Variants in CNTLN observed in about 807,000 individuals in gnomAD.
The protein encoded by CNTLN is centlein.
In CNTLN, 212 loss-of-function variants were observed where a neutral mutation model predicts 180.0. The ratio of observed to expected loss-of-function variants is 1.18; its 90% CI spans 1.05 to 1.32. The LOEUF is 1.32. CNTLN is among the 40% of genes most tolerant of loss of function. The pLI, the probability that CNTLN is intolerant of heterozygous loss-of-function variation, is 0.00. For synonymous variants in CNTLN, 722 were observed against 563.1 expected (o/e 1.28, Z -3.99); for missense variants, 2,095 against 1,610.9 (o/e 1.30, Z -5.14).
intron 25 of CNTLN, among the ~76,000 whole-genome samples, chr9:17,498,523 A>G (rs762141409): frequency 1.9e-4 from 29 of 152,312 alleles, no homozygotes; most frequent in Admixed American, 1.8e-3. Context: ...CAGAATGACT[A>G]GGAAGATCTG....
chr9:17,179,800 T>A (rs1366201314), intron 2 of CNTLN, among the ~76,000 whole-genome samples: 1 of 152,094 alleles, frequency 6.6e-6, no homozygotes, highest in Non-Finnish European at 1.5e-5. Flanking sequence ...TATCTATTAC[T>A]CTTTTCAGTT....
chr9:17,483,876 T>C (rs1462013425), intron 23 of CNTLN, among the ~76,000 whole-genome samples: 1 of 152,228 alleles, frequency 6.6e-6, no homozygotes, highest in Admixed American at 6.5e-5. Context: ...TAATCTTTCA[T>C]TGGTTTATGT....
At chr9:17,494,259 C>T (rs552261462) in intron 25 of CNTLN, among the ~76,000 whole-genome samples, 19 of 152,266 alleles carry the variant, frequency 1.2e-4, no homozygotes, top group African/African-American at 4.3e-4. Context: ...AACCCATTGC[C>T]TACTATAGAG....
chr9:17,192,077 A>G (rs775531633), intron 2 of CNTLN, among the ~76,000 whole-genome samples: 11 of 152,192 alleles, frequency 7.2e-5, no homozygotes, highest in African/African-American at 1.9e-4. Flanking sequence ...ATATACTATC[A>G]TAAGTATACA....
chr9:17,511,678 G>T, the CNTLN span, among the ~76,000 whole-genome samples: 1 of 144,434 alleles, frequency 6.9e-6, no homozygotes, highest in Non-Finnish European at 1.5e-5. Context: ...ACACGCACAC[G>T]TGCACACCCA....
chr9:17,400,956 G>T (rs1826926031), intron 15 of CNTLN, among the ~76,000 whole-genome samples: 2 of 152,082 alleles, frequency 1.3e-5, no homozygotes, highest in South Asian at 4.1e-4. Flanking sequence ...CTTTATGATT[G>T]CAAAGATTTT....
intron 16 of CNTLN, among the ~76,000 whole-genome samples, chr9:17,409,962 T>C (rs781007592): frequency 3.9e-5 from 6 of 152,130 alleles, no homozygotes; most frequent in Non-Finnish European, 8.8e-5. Flanking sequence ...TTAACATAAA[T>C]CAGTGAAAAA....
intron 10 of CNTLN, among the ~76,000 whole-genome samples, chr9:17,339,889 T>A (rs1484902826): frequency 6.6e-6 from 1 of 152,124 alleles, no homozygotes; most frequent in Non-Finnish European, 1.5e-5. Context: ...CACGGTGGCT[T>A]ATGCCTGTAA....
At chr9:17,517,812 T>C in the CNTLN span, among the ~76,000 whole-genome samples, 48 of 152,210 alleles carry the variant, frequency 3.2e-4, no homozygotes, top group African/African-American at 6.7e-4. Flanking sequence ...TCATTGGTTA[T>C]GGCAGCCCTG....
chr9:17,325,685 A>G (rs1210388513), intron 8 of CNTLN, among the ~76,000 whole-genome samples: 3 of 151,758 alleles, frequency 2.0e-5, no homozygotes, highest in African/African-American at 4.8e-5. Context: ...TTGTTTTGCT[A>G]TAGGCTTTGT....
intron 2 of CNTLN, among the ~76,000 whole-genome samples, chr9:17,149,764 G>A (rs6475109): frequency 0.19 from 28,242 of 151,780 alleles, 2,701 homozygotes; most frequent in South Asian, 0.29. Context: ...TGATCTGCCC[G>A]CCTTGGCCTC....
chr9:17,280,348 T>C (rs1828588548), intron 6 of CNTLN, among the ~76,000 whole-genome samples: 1 of 152,216 alleles, frequency 6.6e-6, no homozygotes, highest in Non-Finnish European at 1.5e-5. Flanking sequence ...CCTAACAATT[T>C]TATGTTCCAT....
intron 7 of CNTLN, among the ~76,000 whole-genome samples, chr9:17,307,485 G>T (rs1818801395): frequency 6.6e-6 from 1 of 152,078 alleles, no homozygotes; most frequent in East Asian, 1.9e-4. Context: ...GCCCAGGCTG[G>T]TCTCGAACTC....
chr9:17,406,373 G>A (rs1344659669), intron 15 of CNTLN, among the ~76,000 whole-genome samples: 3 of 151,700 alleles, frequency 2.0e-5, no homozygotes, highest in Non-Finnish European at 4.4e-5. Context: ...CATATTTACT[G>A]TGTTCTACCT....
intron 5 of CNTLN, among the ~76,000 whole-genome samples, chr9:17,257,110 A>T (rs1563926524): frequency 6.6e-6 from 1 of 151,894 alleles, no homozygotes; most frequent in Non-Finnish European, 1.5e-5. Flanking sequence ...ATATCTCCTA[A>T]TGCTATCCCT....
At chr9:17,487,103 A>G in intron 25 of CNTLN, 37 bp downstream of exon 25, 1 of 1,368,540 alleles carries the variant, frequency 7.3e-7, no homozygotes, top group Non-Finnish European at 1.0e-6. Flanking sequence ...TAAGCTTCCA[A>G]ATAAGAATTC....
intron 7 of CNTLN, chr9:17,299,824 AT>A (rs1818221321): frequency 6.1e-6 from 6 of 982,354 alleles, no homozygotes; most frequent in Non-Finnish European, 7.2e-6. Flanking sequence ...TGCTTGGAAC[AT>A]TTTTTTTCTG....
chr9:17,260,882 T>G (rs537426308), intron 5 of CNTLN, among the ~76,000 whole-genome samples: 4 of 151,640 alleles, frequency 2.6e-5, no homozygotes, highest in African/African-American at 9.8e-5. Context: ...AGTTTCAATC[T>G]TCCGCATTTG....
At chr9:17,273,656 T>C in intron 5 of CNTLN, 77 bp from the exon 6 acceptor site, 2 of 720,452 alleles carry the variant, frequency 2.8e-6, no homozygotes, top group Non-Finnish European at 4.2e-6. Flanking sequence ...TTTTGTAGAA[T>C]AATTAAATAT....
Sources: allele counts gnomAD v4.1 joint callset (sites outside exome capture counted in the v4.1 genomes callset), GRCh38; gene constraint gnomAD v4.1.1; transcripts MANE v1.5; gene names NCBI Gene and HGNC (gene_info 2026-07-23, HGNC 2026-07-21).